Variants in PTPRT observed in about 807,000 individuals in gnomAD.
PTPRT encodes receptor-type tyrosine-protein phosphatase T.
In PTPRT, 56 loss-of-function variants were observed where a neutral mutation model predicts 176.8. The ratio of observed to expected loss-of-function variants is 0.32; its 90% CI spans 0.26 to 0.40. The LOEUF is 0.40. PTPRT is among the 10% of genes least tolerant of loss of function. The pLI, the probability that PTPRT is intolerant of heterozygous loss-of-function variation, is 1.00. For missense variants in PTPRT, 1,540 were observed against 1,908.2 expected, an observed-to-expected ratio of 0.81 and a Z score of 3.60; for synonymous variants, 783 against 739.0, an observed-to-expected ratio of 1.06 and a Z score of -0.96.
intron 7 of PTPRT, among the ~76,000 whole-genome samples, chr20:42,558,906 A>C (rs888277186): frequency 6.6e-6 from 1 of 152,148 alleles, no homozygotes; most frequent in African/African-American, 2.4e-5. Flanking sequence ...TCTGAACAGA[A>C]TTCTCCATGT....
At chr20:42,298,597 G>A (rs1486059313) in intron 12 of PTPRT, among the ~76,000 whole-genome samples, 1 of 152,186 alleles carries the variant, frequency 6.6e-6, no homozygotes, top group Non-Finnish European at 1.5e-5. Flanking sequence ...AGCCACACAT[G>A]AGAGTGGCCA....
intron 7 of PTPRT, among the ~76,000 whole-genome samples, chr20:42,552,561 C>T (rs2072788699): frequency 6.6e-6 from 1 of 152,060 alleles, no homozygotes; most frequent in Non-Finnish European, 1.5e-5. Flanking sequence ...AATGTTTTTA[C>T]AATACATCGA....
intron 7 of PTPRT, among the ~76,000 whole-genome samples, chr20:42,640,986 G>C (rs2074733955): frequency 6.6e-6 from 1 of 152,144 alleles, no homozygotes; most frequent in South Asian, 2.1e-4. Context: ...TCATAAGCAT[G>C]TTTAAGGTTG....
In PTPRT at chr20:42,075,317, G is replaced by A. The variant is rs41278136; in HGVS notation, c.*5562C>T. 9,286 of 231,936 alleles carry A rather than the reference G, an allele frequency of 0.04. 281 individuals carry two copies. The highest frequency in any genetic ancestry group is 0.058 in the Middle Eastern group (45 of 776). 14.4% of individuals were successfully genotyped at this position (231,936 alleles called of 1,614,324 possible). ...GATTTGAGATGACATGACTATCCAC[G>A]TTTATGTTTTTTTTCTTCTAACCTA... On this transcript the variant is annotated 3_prime_UTR_variant, in exon 31 of 31. Coordinates refer to ENST00000373187, the MANE Select transcript of PTPRT (RefSeq NM_007050.6).
chr20:43,038,042 T>A (rs1004691907), intron 1 of PTPRT, among the ~76,000 whole-genome samples: 1 of 151,984 alleles, frequency 6.6e-6, no homozygotes, highest in African/African-American at 2.4e-5. Context: ...TGGCTACACC[T>A]GACCTGAGCC....
rs781515021 is a variant in PTPRT at position 42,084,722 on chromosome 20, GCTC to G, written c.4093_4095del (p.Glu1365del). Reference sequence around the variant, plus strand: ...GTACGTCCCTCCCTCCCGTCATACTGCTCCTGCCACTTCTCCAGTCGTCGGACC... The same window carrying G: ...GTACGTCCCTCCCTCCCGTCATACTGCTGCCACTTCTCCAGTCGTCGGACC... On this transcript the variant is annotated inframe_deletion, in exon 29 of 31. Transcript: ENST00000373187. The G allele has an allele frequency of 6.4e-7, 1 of 1,567,106 alleles. No homozygotes were observed. The highest frequency in any genetic ancestry group is 8.7e-7 in the Non-Finnish European group (1 of 1,153,428).
At chr20:42,774,989 A>G (rs539001603) in intron 4 of PTPRT, among the ~76,000 whole-genome samples, 1 of 152,248 alleles carries the variant, frequency 6.6e-6, no homozygotes, top group African/African-American at 2.4e-5. Flanking sequence ...TTCCCCCAGC[A>G]TCTGCTGCTC....
rs1039650249 is a variant in PTPRT at position 42,808,154 on chromosome 20, T to C, written c.215-16688A>G. ...TTTAGCTCCCCGTGGAGTTGGCTAA[T>C]GATGTCCTGAGGTCTGCGTCAACTC... is the stretch of plus-strand genomic sequence containing the variant. On this transcript the variant is annotated intron_variant, in intron 2 of 30. Coordinates refer to ENST00000373187, the MANE Select transcript of PTPRT (RefSeq NM_007050.6). 3.3e-5 allele frequency among the ~76,000 whole-genome samples: 5 copies of C among 152,236 alleles called. No homozygotes were observed. In the East Asian group the frequency reaches 5.8e-4, roughly 18 times the overall value.
chr20:42,322,004 C>T lies in PTPRT; in HGVS notation c.1866-6008G>A, dbSNP rs6093619. ...AGGAGAATGCCGTGAACCCGGAAGG[C>T]AGAGCTGCAGTTAGCCGAGATCACG... On this transcript the variant is annotated intron_variant, in intron 11 of 30. Coordinates refer to ENST00000373187, the MANE Select transcript of PTPRT (RefSeq NM_007050.6). Among the ~76,000 whole-genome samples the T allele has an allele frequency of 4.0e-3, 613 of 152,232 alleles. 6 individuals carry two copies. The highest frequency in any genetic ancestry group is 0.014 in the African/African-American group (592 of 41,546).
chr20:43,066,693 G>A (rs1039024343), intron 1 of PTPRT, among the ~76,000 whole-genome samples: 13 of 152,296 alleles, frequency 8.5e-5, no homozygotes, highest in Non-Finnish European at 1.6e-4. Context: ...GGCATAGCAC[G>A]GAGTGGTGGA....
chr20:43,095,720 CCT>C (rs142590142), intron 1 of PTPRT, among the ~76,000 whole-genome samples: 11,945 of 113,916 alleles, frequency 0.1, 661 homozygotes, highest in African/African-American at 0.15. Context: ...TCTGTTTCTT[CCT>C]CTCTCTCTCT....
chr20:42,098,536 G>A lies in PTPRT; in HGVS notation c.3731C>T (p.Ala1244Val). The change falls in exon 27 of 31, where the codon GCC becomes GTC. Residue 1244 changes from alanine to valine, a missense_variant. Ala to Val is a moderately conservative substitution (Grantham distance 64). Around this residue, in one of 11 missense-constraint regions of PTPRT, gnomAD observed 342 missense variants for 394.0 expected, o/e 0.87. Coordinates refer to ENST00000373187, the MANE Select transcript of PTPRT (RefSeq NM_007050.6). ...AALMDSHKQP[A>V]AFVVTQHPLP... ...AGGGTGCTGGGTGACCACGAAGGCG[G>A]CAGGCTGCTTGTGGCTCTGACAAAG... is the stretch of plus-strand genomic sequence containing the variant. 6.2e-7 allele frequency: 1 copy of A among 1,614,142 alleles called. No homozygotes were observed. Among genetic ancestry groups the A allele is most frequent in the Non-Finnish European group, 8.5e-7 (1 of 1,180,042 alleles).
At chr20:42,625,930 A>G (rs2074281594) in intron 7 of PTPRT, among the ~76,000 whole-genome samples, 1 of 146,424 alleles carries the variant, frequency 6.8e-6, no homozygotes, top group African/African-American at 2.5e-5. Context: ...TAGAAATGGA[A>G]CTTTTGTAGA....
chr20:42,595,623 C>T (rs2073656770), intron 7 of PTPRT, among the ~76,000 whole-genome samples: 1 of 152,124 alleles, frequency 6.6e-6, no homozygotes, highest in African/African-American at 2.4e-5. Flanking sequence ...GACTGGAGAC[C>T]CCAAGCATGC....
At chr20:42,202,758 C>T (rs1336790060) in intron 15 of PTPRT, among the ~76,000 whole-genome samples, 3 of 152,096 alleles carry the variant, frequency 2.0e-5, no homozygotes, top group Non-Finnish European at 2.9e-5. Flanking sequence ...GAGTATGTTT[C>T]GGAGGCTTTG....
chr20:42,940,744 G>A (rs944657060), intron 1 of PTPRT, among the ~76,000 whole-genome samples: 1 of 152,080 alleles, frequency 6.6e-6, no homozygotes, highest in Non-Finnish European at 1.5e-5. Context: ...CCCACCATAT[G>A]GTTTTATCTT....
chr20:43,103,953 G>A (rs889618007), intron 1 of PTPRT, among the ~76,000 whole-genome samples: 1 of 152,090 alleles, frequency 6.6e-6, no homozygotes, highest in Non-Finnish European at 1.5e-5. Context: ...ATATCACAAA[G>A]TAATGCATGG....
At position 43,021,895 on chromosome 20, in the gene PTPRT, G is replaced by C. The variant is rs199561886; in HGVS notation, c.89-135963C>G. The stretch of plus-strand genomic sequence containing the variant: ...CTCTGCAATTCTCTATCCACATAGT[G>C]TCCCTGTTGTCACAGATGACTCTCC... On this transcript the variant is annotated intron_variant, in intron 1 of 30. Coordinates refer to ENST00000373187, the MANE Select transcript of PTPRT (RefSeq NM_007050.6). Among the ~76,000 whole-genome samples, 18 of 151,694 alleles carry C rather than the reference G, an allele frequency of 1.2e-4. No homozygotes were observed. In the East Asian group the frequency reaches 3.5e-3, roughly 29 times the overall value.
chr20:43,094,338 A>G (rs934610737), intron 1 of PTPRT, among the ~76,000 whole-genome samples: 2 of 147,966 alleles, frequency 1.4e-5, no homozygotes, highest in African/African-American at 2.5e-5. Context: ...CACCCATCTC[A>G]GCCTCCCGAA....
Sources: allele counts gnomAD v4.1 joint callset (sites outside exome capture counted in the v4.1 genomes callset), GRCh38; gene constraint gnomAD v4.1.1; regional missense constraint gnomAD v4.1.1; transcripts MANE v1.5; gene names NCBI Gene and HGNC (gene_info 2026-07-23, HGNC 2026-07-21).